The following ZFR2 variants were observed in gnomAD, a reference collection of about 807,000 sequenced individuals.
ZFR2 encodes the protein zinc finger RNA binding protein 2, also known as zinc finger RNA-binding protein 2.
A neutral mutation model predicts 105.7 loss-of-function variants in ZFR2; 104 were observed. The ratio of observed to expected loss-of-function variants is 0.98; its 90% confidence interval spans 0.84 to 1.16. The LOEUF is 1.16. Among genes scored for constraint, ZFR2 ranks in the 50% most tolerant of loss-of-function variants. ZFR2 has a pLI of 0.00. For synonymous variants in ZFR2, 634 were observed against 597.7 expected (o/e 1.06, Z -0.89); for missense variants, 1,425 against 1,355.5 (o/e 1.05, Z -0.80).
chr19:3,854,794 C>T (rs1004052946), intron 1 of ZFR2, among the ~76,000 whole-genome samples: 16 of 152,182 alleles, frequency 1.1e-4, no homozygotes, highest in Admixed American at 2.0e-4. Context: ...GACAGGGTCT[C>T]GCTCTGTCAC....
intron 3 of ZFR2, among the ~76,000 whole-genome samples, chr19:3,833,379 A>C (rs529048870): frequency 2.6e-5 from 4 of 152,190 alleles, no homozygotes; most frequent in Non-Finnish European, 5.9e-5. Context: ...GATGGAGACC[A>C]TCCTGGCTAA....
chr19:3,831,520 G>T lies in ZFR2; in HGVS notation c.635C>A (p.Ser212Tyr). The change falls in exon 5 of 19, where the codon TCC becomes TAC. Residue 212 changes from serine (S) to tyrosine (Y), a missense_variant. By Grantham distance (144) the Ser-to-Tyr change is moderately radical. Coordinates refer to ENST00000262961, the MANE Select transcript of ZFR2 (RefSeq NM_015174.2). Reference protein sequence around the residue: ...SYPNYDASVYSAASPFYPPAQ... With the variant: ...SYPNYDASVYYAASPFYPPAQ... ...TGGAGGATAGAAAGGGCTGGCAGCGGAGTACACCGACGCGTCATAGTTCGG... is the reference window on the plus strand; with the variant it reads ...TGGAGGATAGAAAGGGCTGGCAGCGTAGTACACCGACGCGTCATAGTTCGG... The T allele has an allele frequency of 1.3e-6, 2 of 1,558,674 alleles. No individual in the cohort carries two copies. Among genetic ancestry groups the T allele is most frequent in the Non-Finnish European group, 1.7e-6 (2 of 1,151,892 alleles).
At chr19:3,811,646 G>T (rs898185250) in intron 14 of ZFR2, among the ~76,000 whole-genome samples, 6 of 151,930 alleles carry the variant, frequency 3.9e-5, no homozygotes, top group Non-Finnish European at 7.4e-5. Context: ...GTAGAGACGG[G>T]GTTTCCCCAT....
chr19:3,817,473 C>T (rs2037837413), intron 12 of ZFR2, among the ~76,000 whole-genome samples: 1 of 151,274 alleles, frequency 6.6e-6, no homozygotes, highest in African/African-American at 2.4e-5. Context: ...GCAGGAGAAT[C>T]GCTTGAACCC....
chr19:3,807,989 G>A (rs548295694), intron 17 of ZFR2, among the ~76,000 whole-genome samples: 10 of 148,660 alleles, frequency 6.7e-5, no homozygotes, highest in Admixed American at 2.7e-4. Context: ...TTGTGTGCCC[G>A]TGTGTGCAGG....
At chr19:3,853,391 C>T (rs1001654185) in intron 1 of ZFR2, among the ~76,000 whole-genome samples, 3 of 152,164 alleles carry the variant, frequency 2.0e-5, no homozygotes, top group African/African-American at 4.8e-5. Context: ...CCTGTAGTTA[C>T]CTTAGGTTTC....
chr19:3,863,016 G>A (rs976408792), intron 1 of ZFR2, among the ~76,000 whole-genome samples: 1 of 152,214 alleles, frequency 6.6e-6, no homozygotes, highest in Admixed American at 6.5e-5. Context: ...TTACAGGTAT[G>A]CGCCCTGGCC....
Position 3,813,806 on chromosome 19 carries a change from G to A in ZFR2, c.2242+14C>T, listed in dbSNP as rs2145137201. The A allele has an allele frequency of 6.2e-7, 1 of 1,613,340 alleles. No homozygotes were observed. Among genetic ancestry groups the A allele is most frequent in the Non-Finnish European group, 8.5e-7 (1 of 1,179,652 alleles). ...TGAGGGGGACAGTGGTTGGAAGGAA[G>A]GGCTGGGCCGCACCTGGGTCTGTGG... On this transcript the variant is annotated intron_variant, in intron 14 of 18. Transcript: ENST00000262961. This position sits in a 1 kb window ranked among gnomAD's most constrained non-coding sequence, Gnocchi z 4.4.
At chr19:3,812,844 C>T (rs1041307605) in intron 14 of ZFR2, among the ~76,000 whole-genome samples, 9 of 152,106 alleles carry the variant, frequency 5.9e-5, no homozygotes, top group African/African-American at 9.7e-5. Flanking sequence ...TTTGGGAGGC[C>T]GAGGTGGGTG....
At chr19:3,861,182 C>T (rs569863575) in intron 1 of ZFR2, among the ~76,000 whole-genome samples, 1 of 152,178 alleles carries the variant, frequency 6.6e-6, no homozygotes, top group Non-Finnish European at 1.5e-5. Context: ...AAACGACTCA[C>T]AATAGGTCCA....
intron 16 of ZFR2, among the ~76,000 whole-genome samples, chr19:3,809,355 A>C (rs2037737010): frequency 6.6e-6 from 1 of 152,060 alleles, no homozygotes; most frequent in Non-Finnish European, 1.5e-5. Context: ...GTCCACAGTG[A>C]CATCACATGC....
chr19:3,866,495 G>A (rs186266507), intron 1 of ZFR2, among the ~76,000 whole-genome samples: 1 of 149,202 alleles, frequency 6.7e-6, no homozygotes, highest in Non-Finnish European at 1.5e-5. Context: ...AACACAGAAG[G>A]TAGCTGTGCT....
In ZFR2 at chr19:3,814,140, C is replaced by T. The variant is rs376961960; in HGVS notation, c.2104-182G>A. Among the ~76,000 whole-genome samples, 7 of 152,218 alleles carry T rather than the reference C, an allele frequency of 4.6e-5. No individual in the cohort carries two copies. The East Asian group carries it at 7.7e-4, about 17-fold the overall frequency. ...AAGTGACCAAGACACAGCCGCAGCC[C>T]TCCAGGAGTGCACACATGTAGAGAT... On this transcript the variant is annotated intron_variant, in intron 13 of 18. Transcript: ENST00000262961.
At chr19:3,820,409 T>A (rs1032690182) in intron 10 of ZFR2, 119 bp from the exon 11 acceptor site, 2 of 963,072 alleles carry the variant, frequency 2.1e-6, no homozygotes, top group Non-Finnish European at 3.0e-6. Flanking sequence ...AAGCTCTTGC[T>A]GGGGCTCCAC....
intron 12 of ZFR2, among the ~76,000 whole-genome samples, chr19:3,817,816 G>A (rs1475477259): frequency 6.6e-6 from 1 of 151,336 alleles, no homozygotes; most frequent in Non-Finnish European, 1.5e-5. Context: ...CTTGTATTGG[G>A]ACACTTTGCA....
intron 1 of ZFR2, among the ~76,000 whole-genome samples, chr19:3,860,194 C>CT (rs1411662252): frequency 2.3e-5 from 3 of 133,216 alleles, no homozygotes; most frequent in Non-Finnish European, 4.7e-5. Context: ...CCATGCCTGG[C>CT]TAATTTTTTT....
Position 3,823,228 on chromosome 19 carries a change from T to C in ZFR2, c.1371+18A>G, listed in dbSNP as rs1395774566. On this transcript the variant is annotated intron_variant, in intron 8 of 18. Coordinates refer to ENST00000262961, the MANE Select transcript of ZFR2 (RefSeq NM_015174.2). The surrounding 1 kb of genome is among the most constrained non-coding windows in gnomAD (Gnocchi z 5.4). ...CCTTCCCTGACCGGGGCACCAGGACTTGACAGCCTCGACTTACCTCCTCCA... is the reference window on the plus strand; with the variant it reads ...CCTTCCCTGACCGGGGCACCAGGACCTGACAGCCTCGACTTACCTCCTCCA... 2 of 1,613,754 alleles carry C rather than the reference T, an allele frequency of 1.2e-6. No individual in the cohort carries two copies. Among genetic ancestry groups the C allele is most frequent in the Non-Finnish European group, 1.7e-6 (2 of 1,179,880 alleles).
intron 12 of ZFR2, among the ~76,000 whole-genome samples, chr19:3,817,083 C>T (rs1411768247): frequency 2.0e-5 from 3 of 152,166 alleles, no homozygotes; most frequent in Non-Finnish European, 4.4e-5. Context: ...AGCCGGGACG[C>T]GTGGCCAAAC....
At chr19:3,837,545 T>TCGATGAACACCGTGACCGTGACACC (rs1332197681) in intron 1 of ZFR2, among the ~76,000 whole-genome samples, 7 of 148,658 alleles carry the variant, frequency 4.7e-5, no homozygotes, top group African/African-American at 1.0e-4. Context: ...ACCGTGACAC[T>TCGATGAACACCGTGACCGTGACACC]CGATGAACAC....
Sources: gnomAD v4.1 joint callset for allele counts (sites outside exome capture counted in the v4.1 genomes callset) on GRCh38, gnomAD v4.1.1 for gene constraint, Gnocchi (gnomAD v3.1) non-coding constraint, MANE v1.5 for transcripts, NCBI Gene and HGNC (gene_info 2026-07-23, HGNC 2026-07-21) for gene names.